AHNAK2: variants seen among roughly 807,000 people sequenced by gnomAD.
The protein encoded by AHNAK2 is AHNAK nucleoprotein 2.
A neutral mutation model predicts 30.7 loss-of-function variants in AHNAK2; 18 were observed. That is an observed-to-expected ratio of 0.59 (90% CI 0.41 to 0.87). The LOEUF is 0.87. AHNAK2 is among the 40% of genes least tolerant of loss of function. The pLI is 0.00. For missense variants in AHNAK2, 8,604 were observed against 7,373.0 expected (o/e 1.17, Z -6.11); for synonymous variants, 3,590 against 3,073.8 (o/e 1.17, Z -5.56).
At chr14:104,968,519 C>A (rs1899377630) in intron 1 of AHNAK2, among the ~76,000 whole-genome samples, 1 of 152,200 alleles carries the variant, frequency 6.6e-6, no homozygotes, top group Non-Finnish European at 1.5e-5. Flanking sequence ...CAGCCACCAG[C>A]TAAATGAGAG....
intron 1 of AHNAK2, chr14:104,970,336 G>C (rs1444921334): frequency 1.2e-6 from 1 of 824,996 alleles, no homozygotes; most frequent in Non-Finnish European, 1.5e-6. Flanking sequence ...CTGCAGGTCG[G>C]GGGATGCCTA....
chr14:104,952,690 T>C lies in AHNAK2; in HGVS notation c.2761A>G (p.Met921Val), dbSNP rs761530398. Reference protein sequence around the residue: ...GPKVHLPKVEMPSFKMPKVDL... With the variant: ...GPKVHLPKVEVPSFKMPKVDL... ...ACTTTGGGCATCTTGAAACTGGGCA[T>C]CTCCACTTTGGGCAGGTGCACTTTG... is the stretch of plus-strand genomic sequence containing the variant. The change falls in exon 7 of 7, where the codon ATG (methionine) becomes GTG (valine). Residue 921 changes from methionine (M) to valine (V), a missense_variant. Transcript: ENST00000333244. 6.8e-6 allele frequency: 11 copies of C among 1,612,594 alleles called. 1 individual carries two copies. Among genetic ancestry groups the C allele is most frequent in the Middle Eastern group, 1.7e-4 (1 of 6,056 alleles).
At position 104,943,214 on chromosome 14, in the gene AHNAK2, G is replaced by A. The variant is rs1230399459; in HGVS notation, c.12237C>T (p.Asp4079=). Residue 4079 remains aspartate (D), a synonymous_variant, in exon 7 of 7, where the codon GAC becomes GAT. Transcript: ENST00000333244. The stretch of plus-strand genomic sequence containing the variant: ...TCACTTCCGCCTTGGGGCCTTTCAG[G>A]TCCAGCTTGGGGCCCTTAACATCTA... The part of the protein sequence containing the change: ...PQIDVKGPKL[D]LKGPKAEVTA... 2.5e-6 allele frequency: 4 copies of A among 1,612,914 alleles called. No homozygotes were observed. In the East Asian group the frequency reaches 6.7e-5, roughly 27 times the overall value.
intron 1 of AHNAK2, among the ~76,000 whole-genome samples, chr14:104,969,670 G>C (rs1899417043): frequency 1.3e-5 from 2 of 152,322 alleles, no homozygotes; most frequent in African/African-American, 2.4e-5. Flanking sequence ...CAGTTGATGG[G>C]GATGGGAGGG....
rs2819433 is a variant in AHNAK2 at position 104,948,637 on chromosome 14, C to A, written c.6814G>T (p.Val2272Leu). ...KLDLKDPKVE[V>L]TAPDVEVSLP... ...GACACCTCCACATCAGGGGCTGTCA[C>A]TTCCACCTTGGGGTCTTTTAGGTCC... The change falls in exon 7 of 7, where the codon GTG becomes TTG. Residue 2272 changes from valine (V) to leucine (L), a missense_variant. Val to Leu is a conservative substitution (Grantham distance 32). Coordinates refer to ENST00000333244, the MANE Select transcript of AHNAK2 (RefSeq NM_138420.4). 4 of 1,611,672 alleles carry A rather than the reference C, an allele frequency of 2.5e-6. No individual in the cohort carries two copies. Among genetic ancestry groups the A allele is most frequent in the South Asian group, 1.1e-5 (1 of 91,040 alleles).
In AHNAK2 at chr14:104,947,827, C is replaced by A. The variant is rs372595629; in HGVS notation, c.7624G>T (p.Val2542Phe). 1 of 1,612,606 alleles carries A rather than the reference C, an allele frequency of 6.2e-7. No individual in the cohort carries two copies. The highest frequency in any genetic ancestry group is 1.3e-5 in the African/African-American group (1 of 74,496). ...TTCACGTCCACTTGGCCAGCCTGGA[C>A]CTCCAGGTCAGCGGAAGGGGGCTGA... The part of the protein sequence containing the change: ...SIQPPSADLE[V>F]QAGQVDVKLP... Residue 2542 changes from valine (V) to phenylalanine (F), a missense_variant, in exon 7 of 7, where the codon GTC becomes TTC. By Grantham distance (50) the Val-to-Phe change is conservative (BLOSUM62 -1). Coordinates refer to ENST00000333244, the MANE Select transcript of AHNAK2 (RefSeq NM_138420.4).
chr14:104,943,099 C>A lies in AHNAK2; in HGVS notation c.12352G>T (p.Asp4118Tyr), dbSNP rs758812022. The A allele has an allele frequency of 6.8e-6, 11 of 1,613,154 alleles. No homozygotes were observed. The highest frequency in any genetic ancestry group is 3.3e-5 in the Admixed American group (2 of 59,964). Residue 4118 changes from aspartate (D) to tyrosine (Y), a missense_variant, in exon 7 of 7, where the codon GAC becomes TAC. By Grantham distance (160) the Asp-to-Tyr change is radical. Coordinates refer to ENST00000333244, the MANE Select transcript of AHNAK2 (RefSeq NM_138420.4). ...ACATCCTTGTCGGCCAGGGACAGGT[C>A]CCCCTCCAGCTGCACACCATCCAGC... is the stretch of plus-strand genomic sequence containing the variant. The part of the protein sequence containing the change: ...AKLDGVQLEG[D>Y]LSLADKDVTA...
At chr14:104,975,488 GCCT>G (rs10599221) in intron 1 of AHNAK2, among the ~76,000 whole-genome samples, 11,305 of 152,200 alleles carry the variant, frequency 0.074, 1,325 homozygotes, top group African/African-American at 0.25. Context: ...GCCCTCTGCT[GCCT>G]CCTCCTCAAG....
Position 104,952,588 on chromosome 14 carries a change from G to T in AHNAK2, c.2863C>A (p.Pro955Thr), listed in dbSNP as rs1566918466. ...CTGGGCAGAGACACCTCGCCATCGG[G>T]GGCTGTCACTTCCGCCTTGGGGCCT... ...LKGPKAEVTA[P>T]DGEVSLPSME... The change falls in exon 7 of 7, where the codon CCC (proline) becomes ACC (threonine). Residue 955 changes from proline (P) to threonine (T), a missense_variant. Transcript: ENST00000333244. The T allele has an allele frequency of 6.2e-7, 1 of 1,612,792 alleles. No individual in the cohort carries two copies. The highest frequency in any genetic ancestry group is 1.7e-5 in the Admixed American group (1 of 59,946).
chr14:104,969,913 C>T (rs1332966023), intron 1 of AHNAK2, among the ~76,000 whole-genome samples: 1 of 152,010 alleles, frequency 6.6e-6, no homozygotes, highest in African/African-American at 2.4e-5. Context: ...GCCCCCACAG[C>T]CCACCTCGGG....
In AHNAK2 at chr14:104,943,400, G is replaced by A. The variant is rs751551356; in HGVS notation, c.12051C>T (p.Ser4017=). The A allele has an allele frequency of 9.9e-6, 16 of 1,613,116 alleles. No homozygotes were observed. The highest frequency in any genetic ancestry group is 3.3e-5 in the Admixed American group (2 of 59,968). The part of the protein sequence containing the change: ...MQGDLKATDL[S]VQPPSADLEV... ...CCAGGTCAGCGGAAGGGGGCTGAAC[G>A]CTGAGGTCAGTGGCCTTGAGGTCCC... Residue 4017 remains serine (S), a synonymous_variant, in exon 7 of 7, where the codon AGC becomes AGT. Coordinates refer to ENST00000333244, the MANE Select transcript of AHNAK2 (RefSeq NM_138420.4).
rs191861598 is a variant in AHNAK2 at position 104,948,819 on chromosome 14, T to G, written c.6632A>C (p.Lys2211Thr). The G allele has an allele frequency of 8.7e-6, 14 of 1,611,746 alleles. No individual in the cohort carries two copies. The African/African-American group carries it at 1.5e-4, about 17-fold the overall frequency. ...CACGTCCACCTGGCCAGCCTGGACC[T>G]TCACGTCGGCGGAAAGGGGCTGAAT... Reference protein sequence around the residue: ...LSIQPLSADVKVQAGQVDVKL... With the variant: ...LSIQPLSADVTVQAGQVDVKL... The change falls in exon 7 of 7, where the codon AAG becomes ACG. Residue 2211 changes from lysine (K) to threonine (T), a missense_variant. By Grantham distance (78) the Lys-to-Thr change is moderately conservative. Coordinates refer to ENST00000333244, the MANE Select transcript of AHNAK2 (RefSeq NM_138420.4).
chr14:104,953,466 A>C lies in AHNAK2; in HGVS notation c.1985T>G (p.Ile662Ser). Residue 662 changes from isoleucine to serine, a missense_variant, in exon 7 of 7, where the codon ATT becomes AGT. Physicochemically the swap from Ile to Ser is moderately radical, Grantham distance 142 (BLOSUM62 -2). Coordinates refer to ENST00000333244, the MANE Select transcript of AHNAK2 (RefSeq NM_138420.4). ...GGTGGCCACTTCCTTTTCTGTCAGA[A>C]TTTGTTCCTTTTTTAAGCGTTTTTC... ...HDEKRLKKEQ[I>S]LTEKEVATKD... The C allele has an allele frequency of 6.2e-7, 1 of 1,613,886 alleles. No individual in the cohort carries two copies. The highest frequency in any genetic ancestry group is 1.7e-5 in the Admixed American group (1 of 60,024).
chr14:104,938,557 C>G lies in AHNAK2; in HGVS notation c.16894G>C (p.Ala5632Pro), dbSNP rs1897880084. Reference protein sequence around the residue: ...ATTPLADEGRAPKDKPESKKS... With the variant: ...ATTPLADEGRPPKDKPESKKS... ...TTACTTTCTGGTTTGTCTTTTGGAG[C>G]CCTGCCTTCATCTGCCAGTGGTGTG... is the stretch of plus-strand genomic sequence containing the variant. The change falls in exon 7 of 7, where the codon GCT (alanine) becomes CCT (proline). Residue 5632 changes from alanine to proline, a missense_variant. Ala to Pro is a conservative substitution (Grantham distance 27). Transcript: ENST00000333244. 2 of 1,613,178 alleles carry G rather than the reference C, an allele frequency of 1.2e-6. No individual in the cohort carries two copies. The highest frequency in any genetic ancestry group is 1.7e-5 in the Admixed American group (1 of 59,958).
chr14:104,975,079 C>A (rs1899561221), intron 1 of AHNAK2, among the ~76,000 whole-genome samples: 1 of 152,248 alleles, frequency 6.6e-6, no homozygotes, highest in Non-Finnish European at 1.5e-5. Flanking sequence ...CCTAGCCCAG[C>A]CCAGGACAGA....
chr14:104,952,614 T>A lies in AHNAK2; in HGVS notation c.2837A>T (p.Lys946Ile). 1 of 1,612,466 alleles carries A rather than the reference T, an allele frequency of 6.2e-7. No individual in the cohort carries two copies. The highest frequency in any genetic ancestry group is 8.5e-7 in the Non-Finnish European group (1 of 1,179,534). The change falls in exon 7 of 7, where the codon AAA becomes ATA. Residue 946 changes from lysine to isoleucine, a missense_variant. By Grantham distance (102) the Lys-to-Ile change is moderately radical. Coordinates refer to ENST00000333244, the MANE Select transcript of AHNAK2 (RefSeq NM_138420.4). ...GGCTGTCACTTCCGCCTTGGGGCCTTTCAGGTCCAGCTTGGGGCCCTTAAC... is the reference window on the plus strand; with the variant it reads ...GGCTGTCACTTCCGCCTTGGGGCCTATCAGGTCCAGCTTGGGGCCCTTAAC... ...IDVKGPKLDL[K>I]GPKAEVTAPD...
Position 104,952,412 on chromosome 14 carries a change from T to G in AHNAK2, c.3039A>C (p.Pro1013=). Residue 1013 remains proline, a synonymous_variant, in exon 7 of 7, where the codon CCA becomes CCC. Coordinates refer to ENST00000333244, the MANE Select transcript of AHNAK2 (RefSeq NM_138420.4). ...FKMPSFGVSA[P]GKSIKALVDV... Reference sequence around the variant, plus strand: ...CCACCAAGGCCTTGATGGACTTCCCTGGGGCCGATACCCCGAACGACGGCA... The same window carrying G: ...CCACCAAGGCCTTGATGGACTTCCCGGGGGCCGATACCCCGAACGACGGCA... The G allele has an allele frequency of 1.2e-6, 2 of 1,612,818 alleles. No homozygotes were observed. The highest frequency in any genetic ancestry group is 1.7e-6 in the Non-Finnish European group (2 of 1,179,614).
rs10145300 is a variant in AHNAK2 at position 104,948,694 on chromosome 14, C to G, written c.6757G>C (p.Gly2253Arg). The G allele has an allele frequency of 8.4e-3, 13,563 of 1,609,234 alleles. 110 individuals are homozygous for G. The highest frequency in any genetic ancestry group is 0.011 in the Middle Eastern group (65 of 6,048). ...SFKVPKVDLK[G>R]PEIDIKGPKL... ...GGGCCCTTGATGTCTATTTCGGGGCCCTTGAGGTCCACTTTGGGCACCTTG... is the reference window on the plus strand; with the variant it reads ...GGGCCCTTGATGTCTATTTCGGGGCGCTTGAGGTCCACTTTGGGCACCTTG... The change falls in exon 7 of 7, where the codon GGC (glycine) becomes CGC (arginine). Residue 2253 changes from glycine to arginine, a missense_variant. By Grantham distance (125) the Gly-to-Arg change is moderately radical. Transcript: ENST00000333244.
Position 104,951,643 on chromosome 14 carries a change from C to T in AHNAK2, c.3808G>A (p.Gly1270Ser). The T allele has an allele frequency of 8.0e-7, 1 of 1,246,798 alleles. No individual in the cohort carries two copies. 77.2% of individuals were successfully genotyped at this position (1,246,798 alleles called of 1,614,324 possible). The change falls in exon 7 of 7, where the codon GGC becomes AGC. Residue 1270 changes from glycine to serine, a missense_variant. By Grantham distance (56) the Gly-to-Ser change is moderately conservative (BLOSUM62 0). Transcript: ENST00000333244. ...DLKGPQVEVR[G>S]PKLDLKGHKA... ...TGACCTTTCAGGTCCAGCTTGGGGCCCCTGACTTCCACCTGGGGGCCCTTG... is the reference window on the plus strand; with the variant it reads ...TGACCTTTCAGGTCCAGCTTGGGGCTCCTGACTTCCACCTGGGGGCCCTTG...
Sources: gnomAD v4.1 joint callset for allele counts (sites outside exome capture counted in the v4.1 genomes callset) on GRCh38, gnomAD v4.1.1 for gene constraint, MANE v1.5 for transcripts, NCBI Gene and HGNC (gene_info 2026-07-23, HGNC 2026-07-21) for gene names.